TENM2: variants seen among roughly 807,000 people sequenced by gnomAD.
The protein encoded by TENM2 is teneurin-2.
A neutral mutation model predicts 245.2 loss-of-function variants in TENM2; 52 were observed. The observed-to-expected ratio is 0.21, with a 90% CI of 0.17 to 0.27. TENM2 has a LOEUF of 0.27. TENM2 is among the 10% of genes least tolerant of loss of function. TENM2 has a pLI of 1.00. For synonymous variants in TENM2, 1,363 were observed against 1,438.9 expected (o/e 0.95, Z 1.19); for missense variants, 3,046 against 3,666.8 (o/e 0.83, Z 4.37).
intron 1 of TENM2, among the ~76,000 whole-genome samples, chr5:167,361,318 T>C (rs1250277690): frequency 1.3e-5 from 2 of 152,228 alleles, no homozygotes; most frequent in African/African-American, 4.8e-5. Context: ...CTTTTTTTCC[T>C]AATTGCATTC....
exon 4 of TENM2, chr5:167,952,660 A>G (rs1780208259): frequency 6.2e-7 from 1 of 1,611,790 alleles, no homozygotes; most frequent in African/African-American, 1.3e-5. Flanking sequence ...ACGCTGTCCC[A>G]TCACCACTCG....
chr5:167,974,743 C>T (rs572061857), intron 4 of TENM2, among the ~76,000 whole-genome samples: 10 of 152,152 alleles, frequency 6.6e-5, no homozygotes, highest in East Asian at 3.9e-4. Context: ...CACCTGCTGC[C>T]GACAGTTTCC....
At chr5:167,775,179 G>T (rs1763682434) in intron 2 of TENM2, among the ~76,000 whole-genome samples, 1 of 152,092 alleles carries the variant, frequency 6.6e-6, no homozygotes, top group African/African-American at 2.4e-5. Flanking sequence ...TGTTGGCCAG[G>T]CTGGTCTGGA....
intron 2 of TENM2, among the ~76,000 whole-genome samples, chr5:167,425,399 G>A (rs538160971): frequency 3.9e-4 from 60 of 152,276 alleles, no homozygotes; most frequent in African/African-American, 1.4e-3. Context: ...CCAGCTCCTA[G>A]GATGGCCTTG....
rs189111955 is a variant in TENM2 at position 167,969,378 on chromosome 5, G to T, written c.947+16556G>T. Among the ~76,000 whole-genome samples, 42 of 152,276 alleles carry T rather than the reference G, an allele frequency of 2.8e-4. 2 individuals carry two copies. Among genetic ancestry groups the T allele is most frequent in the Admixed American group, 2.7e-3 (41 of 15,304 alleles). On this transcript the variant is annotated intron_variant, in intron 4 of 28. Coordinates refer to ENST00000518659, the Ensembl canonical transcript of TENM2. ...GCCTGCTGTCATCCATGTGAGACGT[G>T]ACTTGCTCCTCCTTGCCTTCTGCCA...
the TENM2 span, among the ~76,000 whole-genome samples, chr5:167,250,705 G>A: frequency 6.6e-6 from 1 of 152,108 alleles, no homozygotes; most frequent in Non-Finnish European, 1.5e-5. Context: ...ACAGAAACAT[G>A]TGTCCTACTG....
chr5:167,097,528 A>C, the TENM2 span, among the ~76,000 whole-genome samples: 1 of 152,152 alleles, frequency 6.6e-6, no homozygotes, highest in East Asian at 1.9e-4. Context: ...GGTAGGGTGC[A>C]CAAAAAAAAA....
the TENM2 span, among the ~76,000 whole-genome samples, chr5:167,229,844 C>T: frequency 6.6e-6 from 1 of 152,180 alleles, no homozygotes; most frequent in Admixed American, 6.5e-5. Flanking sequence ...TGTGCTGAGG[C>T]CCTGCTACAA....
intron 2 of TENM2, among the ~76,000 whole-genome samples, chr5:167,611,508 G>A (rs1306862017): frequency 6.6e-6 from 1 of 152,098 alleles, no homozygotes; most frequent in Admixed American, 6.6e-5. Flanking sequence ...GCAAGGTGGG[G>A]TTGAGATGTT....
At chr5:167,381,100 G>A (rs1452018750) in intron 2 of TENM2, among the ~76,000 whole-genome samples, 1 of 152,094 alleles carries the variant, frequency 6.6e-6, no homozygotes, top group Non-Finnish European at 1.5e-5. Flanking sequence ...AGAGAAGAAT[G>A]TATGAGGAGT....
the TENM2 span, among the ~76,000 whole-genome samples, chr5:167,237,202 T>C: frequency 6.6e-6 from 1 of 152,222 alleles, no homozygotes; most frequent in Admixed American, 6.5e-5. Flanking sequence ...TCGTCTCTTT[T>C]ATTACTTCAT....
intron 5 of TENM2, among the ~76,000 whole-genome samples, chr5:168,026,715 C>T (rs1246678448): frequency 3.9e-5 from 6 of 152,102 alleles, no homozygotes; most frequent in Non-Finnish European, 4.4e-5. Context: ...AATAATAGCA[C>T]TTATCTCATA....
At position 167,458,494 on chromosome 5, in the gene TENM2, C is replaced by CAAAAAAAA. The variant is rs70976430; in HGVS notation, c.502+83036_502+83043dup. On this transcript the variant is annotated intron_variant, in intron 2 of 28. Transcript: ENST00000518659. ...AAAGCAAGACTCCGTCTCAAAAAAA[C>CAAAAAAAA]AAAAAAAAAAAAAAAAAAAAAAGAC... Among the ~76,000 whole-genome samples the CAAAAAAAA allele has an allele frequency of 7.7e-3, 631 of 81,636 alleles. 2 individuals are homozygous for CAAAAAAAA. The highest frequency in any genetic ancestry group is 0.017 in the Middle Eastern group (2 of 116). 53.6% of individuals were successfully genotyped at this position (81,636 alleles called of 152,430 possible). A position where few individuals can be genotyped will look rare whatever the true frequency, so the allele number is the denominator to read the frequency against.
At chr5:167,221,657 T>C in the TENM2 span, among the ~76,000 whole-genome samples, 1 of 152,236 alleles carries the variant, frequency 6.6e-6, no homozygotes, top group Non-Finnish European at 1.5e-5. Flanking sequence ...TTAGCAAGGA[T>C]GCTAAGCAAC....
intron 13 of TENM2, among the ~76,000 whole-genome samples, chr5:168,185,852 A>G (rs1760341637): frequency 6.8e-6 from 1 of 147,940 alleles, no homozygotes; most frequent in South Asian, 2.1e-4. Flanking sequence ...AAAAAGTGGA[A>G]GACTTCAGGG....
chr5:168,063,536 A>G (rs1390963109), intron 7 of TENM2, among the ~76,000 whole-genome samples: 1 of 152,174 alleles, frequency 6.6e-6, no homozygotes, highest in Non-Finnish European at 1.5e-5. Context: ...CAAAACATGC[A>G]TATATCCAGT....
chr5:166,998,534 T>C, the TENM2 span, among the ~76,000 whole-genome samples: 1 of 152,096 alleles, frequency 6.6e-6, no homozygotes, highest in Non-Finnish European at 1.5e-5. Flanking sequence ...TAAAGGACAC[T>C]ATAGTAATAC....
intron 2 of TENM2, among the ~76,000 whole-genome samples, chr5:167,650,524 T>C (rs1754384871): frequency 6.6e-6 from 1 of 152,214 alleles, no homozygotes; most frequent in East Asian, 1.9e-4. Context: ...CTCATTATGA[T>C]ACAGTTGATT....
In TENM2 at chr5:167,795,147, G is replaced by A. The variant is rs561844356; in HGVS notation, c.503-80839G>A. 9.2e-5 allele frequency among the ~76,000 whole-genome samples: 14 copies of A among 152,296 alleles called. No individual in the cohort carries two copies. In the South Asian group the frequency reaches 2.9e-3, roughly 32 times the overall value. ...AGGGAAGGATTGGTGTCAGATGAGA[G>A]AGTGACCTGAATGCCAGACTGGAGA... On this transcript the variant is annotated intron_variant, in intron 2 of 28. Transcript: ENST00000518659.
Sources: gnomAD v4.1 joint callset for allele counts (sites outside exome capture counted in the v4.1 genomes callset) on GRCh38, gnomAD v4.1.1 for gene constraint, MANE v1.5 for transcripts, NCBI Gene and HGNC (gene_info 2026-07-23, HGNC 2026-07-21) for gene names.